Variants in WWOX observed in about 807,000 individuals in gnomAD.
The protein encoded by WWOX is WW domain containing oxidoreductase, also known as WW domain-containing oxidoreductase.
A neutral mutation model predicts 46.2 loss-of-function variants in WWOX; 69 were observed. The ratio of observed to expected loss-of-function variants is 1.49; its 90% CI spans 1.23 to 1.82. The LOEUF is 1.82. Among genes scored for constraint, WWOX ranks in the 40% most tolerant of loss-of-function variants. WWOX has a pLI of 0.00. For synonymous variants in WWOX, 359 were observed against 202.6 expected (o/e 1.77, Z -6.56); for missense variants, 919 against 542.6 (o/e 1.69, Z -6.89).
intron 8 of WWOX, among the ~76,000 whole-genome samples, chr16:78,917,983 C>G (rs552650921): frequency 2.4e-4 from 36 of 152,224 alleles, no homozygotes; most frequent in African/African-American, 7.5e-4. Flanking sequence ...AGGAGGGCCA[C>G]TTGAGGCCAG....
At chr16:79,169,281 C>G (rs1236593230) in intron 8 of WWOX, among the ~76,000 whole-genome samples, 2 of 152,062 alleles carry the variant, frequency 1.3e-5, no homozygotes, top group East Asian at 3.9e-4. Context: ...ATGTCTGAGA[C>G]TTGTGATGTG....
intron 8 of WWOX, chr16:79,204,267 C>A (rs752112380): frequency 1.3e-5 from 2 of 152,092 alleles, no homozygotes; most frequent in Non-Finnish European, 2.9e-5. Context: ...TCAACAATAC[C>A]TTCTCTTAGT....
chr16:78,735,394 A>AACACACAC (rs35975130), intron 8 of WWOX, among the ~76,000 whole-genome samples: 1,815 of 121,368 alleles, frequency 0.015, 52 homozygotes, highest in African/African-American at 0.037. Context: ...ACCACACACA[A>AACACACAC]ACACACACAC....
intron 8 of WWOX, among the ~76,000 whole-genome samples, chr16:78,881,192 G>T (rs1343701065): frequency 2.0e-5 from 3 of 151,786 alleles, no homozygotes; most frequent in South Asian, 4.2e-4. Context: ...TGGTACAGAT[G>T]GGATTTTGCC....
intron 8 of WWOX, among the ~76,000 whole-genome samples, chr16:78,888,071 A>T (rs1374746597): frequency 6.6e-6 from 1 of 152,208 alleles, no homozygotes; most frequent in Non-Finnish European, 1.5e-5. Context: ...AGCCATGAAT[A>T]TTTTATTTCT....
chr16:78,710,872 C>T (rs896719467), intron 8 of WWOX, among the ~76,000 whole-genome samples: 8 of 152,086 alleles, frequency 5.3e-5, no homozygotes, highest in African/African-American at 1.9e-4. Context: ...CTCACTCGGC[C>T]TCCCAAAGTG....
intron 8 of WWOX, among the ~76,000 whole-genome samples, chr16:78,704,826 G>C (rs1383107549): frequency 1.3e-5 from 2 of 151,998 alleles, no homozygotes; most frequent in Non-Finnish European, 2.9e-5. Flanking sequence ...AGGCTGAGCA[G>C]TTTCAGAGCA....
intron 5 of WWOX, among the ~76,000 whole-genome samples, chr16:78,369,781 T>C (rs528456952): frequency 6.6e-6 from 1 of 152,186 alleles, no homozygotes; most frequent in Admixed American, 6.5e-5. Context: ...TTGTGTATAG[T>C]AATGTGTATG....
chr16:78,729,723 G>T (rs917315797), intron 8 of WWOX, among the ~76,000 whole-genome samples: 4 of 152,166 alleles, frequency 2.6e-5, no homozygotes, highest in African/African-American at 7.2e-5. Context: ...GTGGTAATTT[G>T]TTACAGCAGA....
chr16:79,021,269 A>G (rs2047526982), intron 8 of WWOX, among the ~76,000 whole-genome samples: 1 of 152,192 alleles, frequency 6.6e-6, no homozygotes, highest in Non-Finnish European at 1.5e-5. Flanking sequence ...TTTGGGCTCT[A>G]CAAGGTGCTA....
intron 8 of WWOX, among the ~76,000 whole-genome samples, chr16:79,191,036 C>CT (rs1433336431): frequency 2.6e-5 from 4 of 151,996 alleles, no homozygotes; most frequent in South Asian, 2.1e-4. Flanking sequence ...AGCATGACTT[C>CT]TTTTTTTTGT....
intron 8 of WWOX, among the ~76,000 whole-genome samples, chr16:79,135,602 A>G (rs1434543123): frequency 1.3e-5 from 2 of 152,204 alleles, no homozygotes; most frequent in Admixed American, 6.5e-5. Flanking sequence ...TAGAAATTCA[A>G]TTGTGGACCA....
intron 8 of WWOX, among the ~76,000 whole-genome samples, chr16:78,883,023 A>G (rs183817188): frequency 6.6e-6 from 1 of 152,228 alleles, no homozygotes; most frequent in South Asian, 2.1e-4. Flanking sequence ...AACTGCAACT[A>G]AATTGAAGGC....
chr16:78,752,659 A>T (rs910589930), intron 8 of WWOX, among the ~76,000 whole-genome samples: 1 of 152,178 alleles, frequency 6.6e-6, no homozygotes, highest in Non-Finnish European at 1.5e-5. Context: ...TTTAAGATAA[A>T]CATTTGTCTT....
chr16:79,077,757 G>A (rs1270133796), intron 8 of WWOX, among the ~76,000 whole-genome samples: 4 of 149,400 alleles, frequency 2.7e-5, no homozygotes, highest in African/African-American at 9.9e-5. Context: ...CTTTTGTTTT[G>A]TTATCATTTG....
chr16:78,336,466 A>G (rs976076029), intron 5 of WWOX, among the ~76,000 whole-genome samples: 3 of 142,504 alleles, frequency 2.1e-5, no homozygotes, highest in Non-Finnish European at 3.0e-5. Context: ...AGATCTCACC[A>G]CTGCACTCTA....
At chr16:78,636,271 T>C (rs1242607001) in intron 8 of WWOX, among the ~76,000 whole-genome samples, 1 of 152,188 alleles carries the variant, frequency 6.6e-6, no homozygotes, top group Non-Finnish European at 1.5e-5. Context: ...ATTGCAAACC[T>C]ACTGTGTGTC....
chr16:78,251,070 G>A (rs1304381847), intron 5 of WWOX, among the ~76,000 whole-genome samples: 5 of 152,168 alleles, frequency 3.3e-5, no homozygotes, highest in Admixed American at 6.5e-5. Flanking sequence ...GTATGCTTAC[G>A]TTACCGCTAT....
At chr16:78,152,273 A>G (rs1436123818) in intron 4 of WWOX, among the ~76,000 whole-genome samples, 1 of 152,148 alleles carries the variant, frequency 6.6e-6, no homozygotes, top group East Asian at 1.9e-4. Flanking sequence ...TAGGTGTAAC[A>G]CAGTATTTTG....
Sources: gnomAD v4.1 joint callset for allele counts (sites outside exome capture counted in the v4.1 genomes callset) on GRCh38, gnomAD v4.1.1 for gene constraint, MANE v1.5 for transcripts, NCBI Gene and HGNC (gene_info 2026-07-23, HGNC 2026-07-21) for gene names.